Variants in SBF2 observed in about 807,000 individuals in gnomAD.
SBF2 encodes the protein SET binding factor 2.
A neutral mutation model predicts 225.2 loss-of-function variants in SBF2; 112 were observed. The ratio of observed to expected loss-of-function variants is 0.50; its 90% CI spans 0.43 to 0.58. The LOEUF is 0.58. Ranked by LOEUF, SBF2 falls within the 20% of genes least tolerant of loss-of-function variation. The probability of loss-of-function intolerance (pLI) is 0.00; values close to 1 mark genes in which losing one functional copy is unlikely to be tolerated. For missense variants in SBF2, 1,996 were observed against 2,206.2 expected (o/e 0.90, Z 1.91); for synonymous variants, 763 against 773.3 (o/e 0.99, Z 0.22).
rs534175634 is a variant in SBF2, at chr11:10,084,451, A to C, written c.142-41470T>G. 1.3e-3 allele frequency among the ~76,000 whole-genome samples: 193 copies of C among 152,354 alleles called. 3 individuals carry two copies. The highest frequency in any genetic ancestry group is 1.5e-4 in the Non-Finnish European group (10 of 68,026). On this transcript the variant is annotated intron_variant, in intron 2 of 39. Transcript: ENST00000256190. ...ATAACAGATGTTGGTGAGGATACAA[A>C]GAAAAGAGAATGCTTATACACTGTT...
intron 35 of SBF2, chr11:9,787,957 T>A (rs1034099315): frequency 1.7e-6 from 1 of 581,284 alleles, no homozygotes; most frequent in Non-Finnish European, 3.1e-6. Context: ...TTAGGACCTA[T>A]AACTAGGCCT....
At chr11:10,183,061 G>A (rs1956800212) in intron 2 of SBF2, among the ~76,000 whole-genome samples, 3 of 152,142 alleles carry the variant, frequency 2.0e-5, no homozygotes, top group African/African-American at 7.2e-5. Flanking sequence ...GTGAGCCACT[G>A]TGCCTGGCCA....
At chr11:10,094,546 T>TTTTTTTTTTTTTA in intron 2 of SBF2, among the ~76,000 whole-genome samples, 5 of 146,070 alleles carry the variant, frequency 3.4e-5, no homozygotes, top group Admixed American at 1.4e-4. Flanking sequence ...TTTTTTTTTT[T>TTTTTTTTTTTTTA]GAGACAGAGT....
rs1197878882 is a variant in SBF2, at chr11:10,303,066, AT to A, written n.386+1425del. 3.3e-5 allele frequency: 5 copies of A among 152,348 alleles called. No homozygotes were observed. The highest frequency in any genetic ancestry group is 7.3e-5 in the Non-Finnish European group (5 of 68,108). 9.4% of individuals were successfully genotyped at this position (152,348 alleles called of 1,614,324 possible). A position where few individuals can be genotyped will look rare whatever the true frequency, so the allele number is the denominator to read the frequency against. ...GCGCGAAGAGCTTGACTCGCAGAGG[AT>A]AAAGTGAAAGGAAAAGGAAATGGGA... On this transcript the variant is annotated intron_variant and non_coding_transcript_variant, in intron 1 of 5. Coordinates refer to the SBF2 transcript ENST00000685217. This position sits in a 1 kb window ranked among gnomAD's most constrained non-coding sequence, Gnocchi z 5.2.
intron 2 of SBF2, among the ~76,000 whole-genome samples, chr11:10,070,370 T>C (rs1453751423): frequency 1.3e-5 from 2 of 152,232 alleles, no homozygotes; most frequent in Non-Finnish European, 2.9e-5. Context: ...TTCAGTTTTC[T>C]ACATATGGCT....
intron 28 of SBF2, chr11:9,828,612 T>TG: frequency 1.0e-6 from 1 of 985,278 alleles, no homozygotes; most frequent in Non-Finnish European, 1.2e-6. Context: ...ATGAACCCTT[T>TG]GGGGTTCCAT....
rs11042585 is a variant in SBF2 at position 9,996,543 on chromosome 11, C to T, written c.975+1723G>A. Among the ~76,000 whole-genome samples, 906 of 152,230 alleles carry T rather than the reference C, an allele frequency of 6.0e-3. 4 individuals are homozygous for T. The highest frequency in any genetic ancestry group is 9.6e-3 in the Non-Finnish European group (650 of 68,002). On this transcript the variant is annotated intron_variant, in intron 9 of 39. Coordinates refer to ENST00000256190, the MANE Select transcript of SBF2 (RefSeq NM_030962.4). ...TAGCTGGGATTACAGGCGTGCGCCA[C>T]CACGCCCAGCTAATTTTTGTATTTT...
chr11:10,046,218 A>G (rs369437580), intron 2 of SBF2, among the ~76,000 whole-genome samples: 3 of 152,204 alleles, frequency 2.0e-5, no homozygotes, highest in South Asian at 4.1e-4. Flanking sequence ...GGACAACTGT[A>G]TACCAATTAT....
At chr11:10,239,864 T>C (rs1307785742) in intron 1 of SBF2, among the ~76,000 whole-genome samples, 1 of 152,194 alleles carries the variant, frequency 6.6e-6, no homozygotes, top group Non-Finnish European at 1.5e-5. Context: ...GTTTTATGTG[T>C]TCATTTATAG....
At position 10,094,711 on chromosome 11, in the gene SBF2, C is replaced by T. The variant is rs554670393; in HGVS notation, c.142-51730G>A. 1.1e-4 allele frequency among the ~76,000 whole-genome samples: 17 copies of T among 151,774 alleles called. No individual in the cohort carries two copies. The East Asian group carries it at 2.7e-3, about 24-fold the overall frequency. On this transcript the variant is annotated intron_variant, in intron 2 of 39. Coordinates refer to ENST00000256190, the MANE Select transcript of SBF2 (RefSeq NM_030962.4). ...TAGAGACGGGGTTTCACCATGTTGG[C>T]CAGGCTGGTCTTCAACTCCCGACCT...
At chr11:9,917,011 TTTAAC>T (rs1190490994) in intron 16 of SBF2, among the ~76,000 whole-genome samples, 5 of 151,722 alleles carry the variant, frequency 3.3e-5, no homozygotes, top group African/African-American at 1.2e-4. Flanking sequence ...AGACATTTAA[TTTAAC>T]CTCTGTACCA....
chr11:10,114,324 T>C (rs368346523), intron 2 of SBF2, among the ~76,000 whole-genome samples: 2 of 152,242 alleles, frequency 1.3e-5, no homozygotes, highest in African/African-American at 2.4e-5. Context: ...CTCATGTTTT[T>C]CTTTAATTTT....
chr11:10,279,367 C>T (rs1963233986), intron 1 of SBF2, among the ~76,000 whole-genome samples: 3 of 148,584 alleles, frequency 2.0e-5, no homozygotes, highest in East Asian at 2.0e-4. Context: ...GAGCTGAGGT[C>T]GCACCATTGC....
chr11:10,207,654 A>C (rs182111718), intron 1 of SBF2, among the ~76,000 whole-genome samples: 35 of 152,186 alleles, frequency 2.3e-4, no homozygotes, highest in Admixed American at 1.3e-3. Context: ...TTTTTTCAAC[A>C]CAAAACTTAA....
chr11:10,051,844 G>A (rs994331681), intron 2 of SBF2, among the ~76,000 whole-genome samples: 1 of 151,992 alleles, frequency 6.6e-6, no homozygotes, highest in African/African-American at 2.4e-5. Context: ...TAATAGATTT[G>A]GGAGTATCAG....
intron 17 of SBF2, among the ~76,000 whole-genome samples, chr11:9,888,138 C>G (rs574955718): frequency 4.5e-4 from 69 of 152,188 alleles, no homozygotes; most frequent in African/African-American, 1.6e-3. Flanking sequence ...CAAGGAACTT[C>G]TGAATTATTA....
intron 2 of SBF2, 76 bp from the exon 3 acceptor site, chr11:10,043,057 T>A (rs1949715440): frequency 6.1e-6 from 9 of 1,469,902 alleles, no homozygotes; most frequent in African/African-American, 1.4e-5. Flanking sequence ...AAATTTTAAA[T>A]GTTTGCCCAT....
At chr11:10,154,694 C>T (rs554182593) in intron 2 of SBF2, among the ~76,000 whole-genome samples, 3 of 152,218 alleles carry the variant, frequency 2.0e-5, no homozygotes, top group African/African-American at 7.2e-5. Context: ...ATGCTAAATG[C>T]TGTATGTTTT....
chr11:9,955,932 T>C (rs866931374), intron 16 of SBF2, among the ~76,000 whole-genome samples: 1 of 152,150 alleles, frequency 6.6e-6, no homozygotes, highest in Non-Finnish European at 1.5e-5. Context: ...AAATAGTATA[T>C]AACATGCACT....
Sources: allele counts gnomAD v4.1 joint callset (sites outside exome capture counted in the v4.1 genomes callset), GRCh38; gene constraint gnomAD v4.1.1; non-coding constraint Gnocchi (gnomAD v3.1); transcripts MANE v1.5; gene names NCBI Gene and HGNC (gene_info 2026-07-23, HGNC 2026-07-21).